C1R: variants seen among roughly 807,000 people sequenced by gnomAD.
C1R encodes the protein complement C1r subcomponent.
In C1R, 15 loss-of-function variants were observed where a neutral mutation model predicts 27.6. The ratio of observed to expected loss-of-function variants is 0.54; its 90% CI spans 0.36 to 0.84. The LOEUF is 0.84. Among genes scored for constraint, C1R ranks in the 40% least tolerant of loss-of-function variants. C1R has a pLI of 0.01. For missense variants in C1R, 544 were observed against 577.9 expected (o/e 0.94, Z 0.60); for synonymous variants, 253 against 228.8 (o/e 1.11, Z -0.95).
Position 7,089,573 on chromosome 12 carries a change from C to CCA in C1R, c.571+12_571+13dup, listed in dbSNP as rs766984810. 6.4e-6 allele frequency: 5 copies of CCA among 780,770 alleles called. No individual in the cohort carries two copies. The African/African-American group carries it at 8.5e-5, about 13-fold the overall frequency. The allele number at this position is 780,770 out of a possible 1,614,324, so 48.4% of individuals were successfully genotyped here. Reference sequence around the variant, plus strand: ...GCTCAACCCCTTCCCCTCTGCTACACCACTCTGGCTCACCCTGGCAGGAAT... The same window carrying CCA: ...GCTCAACCCCTTCCCCTCTGCTACACCACACTCTGGCTCACCCTGGCAGGAAT... On this transcript the variant is annotated intron_variant, in intron 4 of 10. Transcript: ENST00000647956.
chr12:7,090,598 C>T (rs967937266), intron 2 of C1R, among the ~76,000 whole-genome samples: 2 of 152,240 alleles, frequency 1.3e-5, no homozygotes, highest in African/African-American at 4.8e-5. Context: ...ACCTGCCCCT[C>T]ATTCCCAGAG....
chr12:7,085,765 T>C (rs1938146758), intron 9 of C1R, 96 bp downstream of exon 9: 2 of 397,524 alleles, frequency 5.0e-6, no homozygotes, highest in Non-Finnish European at 8.9e-6. Flanking sequence ...GGCAGATACC[T>C]TAATATGCAT....
intron 9 of C1R, among the ~76,000 whole-genome samples, chr12:7,085,083 G>A (rs941191113): frequency 1.4e-4 from 20 of 139,862 alleles, no homozygotes; most frequent in Admixed American, 9.6e-4. Context: ...GGTGATGGTG[G>A]TGATGGTGGT....
In C1R at chr12:7,091,953, C is replaced by A. The variant is rs774460987; in HGVS notation, c.3-273G>T. 2 of 624,050 alleles carry A rather than the reference C, an allele frequency of 3.2e-6. No homozygotes were observed. The highest frequency in any genetic ancestry group is 3.0e-5 in the East Asian group (1 of 33,632). The allele number at this position is 624,050 out of a possible 1,614,324, so 38.7% of individuals were successfully genotyped here. On this transcript the variant is annotated intron_variant, in intron 1 of 10. Transcript: ENST00000647956. The surrounding 1 kb of genome is among the most constrained non-coding windows in gnomAD (Gnocchi z 5.1). ...TTTCCAGCCTCCTCCCCTGCCCGGACGCGTCCCTCCCCTCCCCTTCCAGGA... is the reference window on the plus strand; with the variant it reads ...TTTCCAGCCTCCTCCCCTGCCCGGAAGCGTCCCTCCCCTCCCCTTCCAGGA...
chr12:7,091,796 C>T lies in C1R; in HGVS notation c.3-116G>A. ...ACCACTGGGCATTCTCCTCTCTGCC[C>T]ACCCTGAACCTCACAGACATGTTCT... On this transcript the variant is annotated intron_variant, in intron 1 of 10. Transcript: ENST00000647956. This position sits in a 1 kb window ranked among gnomAD's most constrained non-coding sequence, Gnocchi z 5.1. 1 of 711,214 alleles carries T rather than the reference C, an allele frequency of 1.4e-6. No homozygotes were observed. Among genetic ancestry groups the T allele is most frequent in the Non-Finnish European group, 2.6e-6 (1 of 384,892 alleles). 44.1% of individuals were successfully genotyped at this position (711,214 alleles called of 1,614,324 possible).
rs1938055437 is a variant in C1R at position 7,081,193 on chromosome 12, C to T, written c.1457G>A (p.Arg486His). Residue 486 changes from arginine to histidine, a missense_variant, in exon 11 of 11, where the codon CGC becomes CAC. Arg to His is a conservative substitution (Grantham distance 29). This residue lies in a region of C1R where 253 missense variants were observed against 368.9 expected (regional missense o/e 0.69). Transcript: ENST00000647956. Reference protein sequence around the residue: ...PWQVFTNIHGRGGGALLGDRW... With the variant: ...PWQVFTNIHGHGGGALLGDRW... ...GTCGCCCAGCAGGGCCCCGCCCCCG[C>T]GCCCGTGGATGTTGGTGAACACCTG... 10 of 1,613,696 alleles carry T rather than the reference C, an allele frequency of 6.2e-6. No homozygotes were observed. Among genetic ancestry groups the T allele is most frequent in the Middle Eastern group, 1.6e-4 (1 of 6,062 alleles).
intron 9 of C1R, among the ~76,000 whole-genome samples, chr12:7,084,734 G>GTGGTGATGGTGTTGGTAA (rs1437823190): frequency 2.0e-5 from 1 of 48,820 alleles, no homozygotes; most frequent in Non-Finnish European, 4.5e-5. Flanking sequence ...GGTGTTGGTG[G>GTGGTGATGGTGTTGGTAA]TGGTGATGGT....
rs903400215 is a variant in C1R at position 7,091,314 on chromosome 12, TC to T, written c.231+137del. The stretch of plus-strand genomic sequence containing the variant: ...CACCAGTGAGCGCCCATCCAGGGCA[TC>T]CCCGGGCTCTCAGAGAGGCCGTTGG... On this transcript the variant is annotated intron_variant, in intron 2 of 10. Coordinates refer to ENST00000647956, the MANE Select transcript of C1R (RefSeq NM_001733.7). The surrounding 1 kb of genome is among the most constrained non-coding windows in gnomAD (Gnocchi z 5.1). The T allele has an allele frequency of 6.2e-6, 4 of 645,916 alleles. No homozygotes were observed. The highest frequency in any genetic ancestry group is 2.7e-5 in the East Asian group (1 of 36,842). The allele number at this position is 645,916 out of a possible 1,614,324, so 40.0% of individuals were successfully genotyped here. A position where few individuals can be genotyped will look rare whatever the true frequency, so the allele number is the denominator to read the frequency against.
chr12:7,080,413 G>T lies in C1R; in HGVS notation c.*119C>A, dbSNP rs757368141. The T allele has an allele frequency of 1.2e-4, 174 of 1,444,160 alleles. No individual in the cohort carries two copies. Among genetic ancestry groups the T allele is most frequent in the East Asian group, 2.1e-4 (9 of 42,062 alleles). The allele number at this position is 1,444,160 out of a possible 1,614,324, so 89.5% of individuals were successfully genotyped here. A position where few individuals can be genotyped will look rare whatever the true frequency, so the allele number is the denominator to read the frequency against. On this transcript the variant is annotated 3_prime_UTR_variant, in exon 11 of 11. Coordinates refer to ENST00000647956, the MANE Select transcript of C1R (RefSeq NM_001733.7). This position sits in a 1 kb window ranked among gnomAD's most constrained non-coding sequence, Gnocchi z 4.9. Reference sequence around the variant, plus strand: ...TACAGGAAAGAGAATTTCACACACGGTCTTTCTGCATCAGTAATTTTAATA... The same window carrying T: ...TACAGGAAAGAGAATTTCACACACGTTCTTTCTGCATCAGTAATTTTAATA...
rs1451845266 is a variant in C1R at position 7,091,071 on chromosome 12, TCTC to T, written c.231+378_231+380del. 1 of 263,688 alleles carries T rather than the reference TCTC, an allele frequency of 3.8e-6. No individual in the cohort carries two copies. The highest frequency in any genetic ancestry group is 1.4e-4 in the East Asian group (1 of 7,174). 16.3% of individuals were successfully genotyped at this position (263,688 alleles called of 1,614,324 possible). On this transcript the variant is annotated intron_variant, in intron 2 of 10. Transcript: ENST00000647956. The surrounding 1 kb of genome is among the most constrained non-coding windows in gnomAD (Gnocchi z 5.1). ...TTCCTGTGCTGCCAGAGCCCACATT[TCTC>T]CTCCTCATGTCCCTGTGTTCCTGTT...
chr12:7,088,014 G>A lies in C1R; in HGVS notation c.1038+596C>T, dbSNP rs140452362. ...TATTCCCTCCTGAATCTGCAGAGCC[G>A]AGGACAGGACGGTGGGCGCAGGGGG... On this transcript the variant is annotated intron_variant, in intron 7 of 10. Coordinates refer to ENST00000647956, the MANE Select transcript of C1R (RefSeq NM_001733.7). Among the ~76,000 whole-genome samples, 56 of 152,254 alleles carry A rather than the reference G, an allele frequency of 3.7e-4. 1 individual carries two copies. The highest frequency in any genetic ancestry group is 9.4e-4 in the African/African-American group (39 of 41,548).
intron 9 of C1R, among the ~76,000 whole-genome samples, chr12:7,084,993 GTGA>G (rs1938120768): frequency 6.7e-6 from 1 of 148,274 alleles, no homozygotes. Context: ...GGTGTTGGTG[GTGA>G]TGGTGGTGGT....
intron 9 of C1R, among the ~76,000 whole-genome samples, chr12:7,083,551 G>A (rs1328123652): frequency 2.7e-5 from 4 of 150,094 alleles, no homozygotes; most frequent in Admixed American, 6.7e-5. Flanking sequence ...TGGTAGTGGC[G>A]ACAGTGGTGT....
chr12:7,085,492 G>A (rs1339038410), intron 9 of C1R, among the ~76,000 whole-genome samples: 6 of 151,910 alleles, frequency 3.9e-5, no homozygotes, highest in African/African-American at 1.5e-4. Context: ...TGTTGATTGT[G>A]GTGATGGCGG....
In C1R at chr12:7,080,938, G is replaced by A. The variant is rs1938047216; in HGVS notation, c.1712C>T (p.Pro571Leu). 6.2e-7 allele frequency: 1 copy of A among 1,613,056 alleles called. No individual in the cohort carries two copies. The highest frequency in any genetic ancestry group is 1.7e-5 in the Admixed American group (1 of 59,992). The change falls in exon 11 of 11, where the codon CCC (proline) becomes CTC (leucine). Residue 571 changes from proline (P) to leucine (L), a missense_variant. This residue lies in a region of C1R where 253 missense variants were observed against 368.9 expected (regional missense o/e 0.69). Coordinates refer to ENST00000647956, the MANE Select transcript of C1R (RefSeq NM_001733.7). This position sits in a 1 kb window ranked among gnomAD's most constrained non-coding sequence, Gnocchi z 4.9. ...LELENSVTLG[P>L]NLLPICLPDN... ...AGGGAGGCAGATGGGGAGGAGGTTGGGACCCAGGGTGACACTATTTTCCAG... is the reference window on the plus strand; with the variant it reads ...AGGGAGGCAGATGGGGAGGAGGTTGAGACCCAGGGTGACACTATTTTCCAG...
intron 7 of C1R, 199 bp downstream of exon 7, chr12:7,088,411 G>C (rs1287348068): frequency 2.8e-6 from 2 of 702,676 alleles, no homozygotes; most frequent in Non-Finnish European, 5.2e-6. Flanking sequence ...TTGAATGAAT[G>C]GGCTCAAGCA....
At position 7,080,672 on chromosome 12, in the gene C1R, C is replaced by G. The variant is rs753425484; in HGVS notation, c.1978G>C (p.Val660Leu). The G allele has an allele frequency of 6.2e-7, 1 of 1,613,972 alleles. No individual in the cohort carries two copies. The highest frequency in any genetic ancestry group is 1.1e-5 in the South Asian group (1 of 91,076). The stretch of plus-strand genomic sequence containing the variant: ...CAGCGATCAGTGTTCGGGTCCCTTA[C>G]TGCAAAAACGCCCCCACTATCCCCC... The part of the protein sequence containing the change: ...CQGDSGGVFA[V>L]RDPNTDRWVA... The change falls in exon 11 of 11, where the codon GTA becomes CTA. Residue 660 changes from valine (V) to leucine (L), a missense_variant. Physicochemically the swap from Val to Leu is conservative, Grantham distance 32. Around this residue, in one of 2 missense-constraint regions of C1R, gnomAD observed 253 missense variants for 368.9 expected, o/e 0.69. Transcript: ENST00000647956. This position sits in a 1 kb window ranked among gnomAD's most constrained non-coding sequence, Gnocchi z 4.9.
chr12:7,092,357 C>A (rs746348792), intron 1 of C1R, 30 bp downstream of exon 1: 2 of 780,662 alleles, frequency 2.6e-6, no homozygotes, highest in Admixed American at 3.4e-5. Context: ...GCTTCTCCCT[C>A]CCACCTGGTT....
intron 3 of C1R, 30 bp downstream of exon 3, chr12:7,090,026 G>C: frequency 1.3e-6 from 1 of 749,106 alleles, no homozygotes; most frequent in South Asian, 1.4e-5. Context: ...GCTGAGGTCA[G>C]AGAAAAGGGA....
Sources: allele counts gnomAD v4.1 joint callset (sites outside exome capture counted in the v4.1 genomes callset), GRCh38; gene constraint gnomAD v4.1.1; regional missense constraint gnomAD v4.1.1; non-coding constraint Gnocchi (gnomAD v3.1); transcripts MANE v1.5; gene names NCBI Gene and HGNC (gene_info 2026-07-23, HGNC 2026-07-21).